CFAP73: variants seen among roughly 807,000 people sequenced by gnomAD.
CFAP73 encodes the protein cilia- and flagella-associated protein 73.
CFAP73 carries 33 observed loss-of-function variants against 42.9 expected under a neutral mutation model. The ratio of observed to expected loss-of-function variants is 0.77; its 90% CI spans 0.58 to 1.03. The LOEUF is 1.03. CFAP73 is among the 50% of genes least tolerant of loss of function. The probability of loss-of-function intolerance (pLI) is 0.00; values close to 1 mark genes in which losing one functional copy is unlikely to be tolerated. For missense variants in CFAP73, 392 were observed against 411.9 expected, an observed-to-expected ratio of 0.95 and a Z score of 0.42; for synonymous variants, 162 against 186.8, an observed-to-expected ratio of 0.87 and a Z score of 1.08.
At position 113,154,659 on chromosome 12, in the gene CFAP73, G is replaced by T. The variant is rs536788003; in HGVS notation, c.690+24G>T. On this transcript the variant is annotated intron_variant, in intron 5 of 7. Transcript: ENST00000335621. The surrounding 1 kb of genome is among the most constrained non-coding windows in gnomAD (Gnocchi z 4.7). Reference sequence around the variant, plus strand: ...GGGTACGACCCGCCCTAGGTGGGGGGCGCTCCGGACCCCAGGCTTCCACAG... The same window carrying T: ...GGGTACGACCCGCCCTAGGTGGGGGTCGCTCCGGACCCCAGGCTTCCACAG... 4 of 1,383,936 alleles carry T rather than the reference G, an allele frequency of 2.9e-6. No individual in the cohort carries two copies. Among genetic ancestry groups the T allele is most frequent in the Non-Finnish European group, 3.7e-6 (4 of 1,078,256 alleles). 85.7% of individuals were successfully genotyped at this position (1,383,936 alleles called of 1,614,324 possible). A position where few individuals can be genotyped will look rare whatever the true frequency, so the allele number is the denominator to read the frequency against.
chr12:113,156,466 A>G (rs535009392), intron 6 of CFAP73, among the ~76,000 whole-genome samples: 2 of 151,204 alleles, frequency 1.3e-5, no homozygotes, highest in Non-Finnish European at 2.9e-5. Flanking sequence ...TTCCTTCTTT[A>G]ATCCGGTGTC....
At chr12:113,151,726 G>T (rs1326713079) in intron 1 of CFAP73, among the ~76,000 whole-genome samples, 192 bp from the exon 2 acceptor site, 1 of 151,348 alleles carries the variant, frequency 6.6e-6, no homozygotes, top group Non-Finnish European at 1.5e-5. Context: ...AAGCCCAGGA[G>T]TGAGCTATGA....
chr12:113,151,023 A>ATTAT (rs140164918), intron 1 of CFAP73, among the ~76,000 whole-genome samples: 7,902 of 151,472 alleles, frequency 0.052, 282 homozygotes, highest in Non-Finnish European at 0.069. Flanking sequence ...GGCATTCTTT[A>ATTAT]TTATTATTAT....
At chr12:113,155,175 GA>G (rs199729083) in intron 5 of CFAP73, 84 bp from the exon 6 acceptor site, 112,224 of 1,034,822 alleles carry the variant, frequency 0.11, 545 homozygotes, top group Non-Finnish European at 0.12. Flanking sequence ...ATCTCAAAAA[GA>G]AAAAAAAAAA....
chr12:113,151,736 A>G (rs1952063148), intron 1 of CFAP73, among the ~76,000 whole-genome samples, 182 bp from the exon 2 acceptor site: 1 of 151,408 alleles, frequency 6.6e-6, no homozygotes, highest in Non-Finnish European at 1.5e-5. Flanking sequence ...GTGAGCTATG[A>G]TGATTAGACC....
rs373830521 is a variant in CFAP73, at chr12:113,154,470, G to T, written c.525G>T (p.Ala175=). 1.1e-3 allele frequency: 1,625 copies of T among 1,545,480 alleles called. 12 individuals are homozygous for T. In the African/African-American group the frequency reaches 0.018, roughly 18 times the overall value. ...ARFDGLAETQ[A]ALRLREREQL... Reference sequence around the variant, plus strand: ...TCGACGGCCTGGCCGAGACGCAGGCGGCGCTGAGGCTCAGGGAGCGCGAGC... The same window carrying T: ...TCGACGGCCTGGCCGAGACGCAGGCTGCGCTGAGGCTCAGGGAGCGCGAGC... Residue 175 remains alanine, a synonymous_variant, in exon 5 of 8, where the codon GCG becomes GCT. Coordinates refer to ENST00000335621, the MANE Select transcript of CFAP73 (RefSeq NM_001144872.3). The surrounding 1 kb of genome is among the most constrained non-coding windows in gnomAD (Gnocchi z 4.7).
In CFAP73 at chr12:113,153,251, A is replaced by G; in HGVS notation, c.311A>G (p.Glu104Gly). 1 of 1,520,750 alleles carries G rather than the reference A, an allele frequency of 6.6e-7. No individual in the cohort carries two copies. 94.2% of individuals were successfully genotyped at this position (1,520,750 alleles called of 1,614,324 possible). Residue 104 changes from glutamate (E) to glycine (G), a missense_variant, in exon 4 of 8, where the codon GAG becomes GGG. By Grantham distance (98) the Glu-to-Gly change is moderately conservative. Transcript: ENST00000335621. Reference protein sequence around the residue: ...RRNRALRRAAEERHQAGRREV... With the variant: ...RRNRALRRAAGERHQAGRREV... ...AATCGCGCGCTGCGGAGGGCGGCGG[A>G]GGAGAGGCACCAGGCGGGCCGTCGG...
intron 6 of CFAP73, among the ~76,000 whole-genome samples, chr12:113,156,219 G>A (rs1005680968): frequency 4.6e-5 from 7 of 151,892 alleles, no homozygotes; most frequent in African/African-American, 9.7e-5. Flanking sequence ...CACACCCAGC[G>A]TGACATAGGT....
Position 113,154,816 on chromosome 12 carries a change from C to T in CFAP73, c.690+181C>T, listed in dbSNP as rs1338818529. 6.6e-6 allele frequency among the ~76,000 whole-genome samples: 1 copy of T among 152,242 alleles called. No homozygotes were observed. Among genetic ancestry groups the T allele is most frequent in the Non-Finnish European group, 1.5e-5 (1 of 68,044 alleles). ...CGGGCATGAGGCCCCGCCCCATCCGCCTGCACAAGGCTCCTGCACCCCACT... is the reference window on the plus strand; with the variant it reads ...CGGGCATGAGGCCCCGCCCCATCCGTCTGCACAAGGCTCCTGCACCCCACT... On this transcript the variant is annotated intron_variant, in intron 5 of 7. Coordinates refer to ENST00000335621, the MANE Select transcript of CFAP73 (RefSeq NM_001144872.3). This position sits in a 1 kb window ranked among gnomAD's most constrained non-coding sequence, Gnocchi z 4.7.
At chr12:113,150,740 T>C (rs1220656741) in intron 1 of CFAP73, among the ~76,000 whole-genome samples, 1 of 152,092 alleles carries the variant, frequency 6.6e-6, no homozygotes, top group Non-Finnish European at 1.5e-5. Flanking sequence ...CCGCTCCCAC[T>C]TCACTTAGAG....
At chr12:113,153,091 C>A in intron 3 of CFAP73, 117 bp from the exon 4 acceptor site, 1 of 1,179,928 alleles carries the variant, frequency 8.5e-7, no homozygotes, top group Admixed American at 3.0e-5. Flanking sequence ...AGCTTCCGAG[C>A]CAGGCCTGCT....
chr12:113,153,861 A>G (rs985038148), intron 4 of CFAP73, among the ~76,000 whole-genome samples: 1 of 151,938 alleles, frequency 6.6e-6, no homozygotes, highest in Non-Finnish European at 1.5e-5. Flanking sequence ...TCCGCTCCCA[A>G]AGTGCTGGGA....
chr12:113,149,797 T>A lies in CFAP73; in HGVS notation c.-61T>A. 1 of 1,514,136 alleles carries A rather than the reference T, an allele frequency of 6.6e-7. No homozygotes were observed. Among genetic ancestry groups the A allele is most frequent in the African/African-American group, 1.4e-5 (1 of 72,386 alleles). The allele number at this position is 1,514,136 out of a possible 1,614,324, so 93.8% of individuals were successfully genotyped here. A position where few individuals can be genotyped will look rare whatever the true frequency, so the allele number is the denominator to read the frequency against. ...ACCACGCTCCACAGAACCCCCAGGGTCTCCTAAGCTTGTGCAAAACTCCAG... is the reference window on the plus strand; with the variant it reads ...ACCACGCTCCACAGAACCCCCAGGGACTCCTAAGCTTGTGCAAAACTCCAG... On this transcript the variant is annotated 5_prime_UTR_variant, in exon 1 of 8. Coordinates refer to ENST00000335621, the MANE Select transcript of CFAP73 (RefSeq NM_001144872.3).
At chr12:113,155,490 A>G in intron 6 of CFAP73, 72 bp downstream of exon 6, 1 of 1,404,974 alleles carries the variant, frequency 7.1e-7, no homozygotes, top group Non-Finnish European at 9.6e-7. Flanking sequence ...CTAAAACCCC[A>G]CAGTTAGTGA....
intron 6 of CFAP73, among the ~76,000 whole-genome samples, chr12:113,156,316 G>A (rs1360837656): frequency 6.6e-6 from 1 of 151,958 alleles, no homozygotes; most frequent in African/African-American, 2.4e-5. Context: ...AGAACTGGAG[G>A]AAAAGTAAAG....
rs763023498 is a variant in CFAP73 at position 113,157,641 on chromosome 12, G to A, written c.889G>A (p.Gly297Ser). The part of the protein sequence containing the change: ...FMQDLSAMLA[G>S]LGQAEPAAPA... The stretch of plus-strand genomic sequence containing the variant: ...GCAGGACCTCTCTGCCATGCTGGCC[G>A]GCCTGGGTCAGGCTGAGCCTGCAGC... Residue 297 changes from glycine to serine, a missense_variant, in exon 7 of 8, where the codon GGC (glycine) becomes AGC (serine). Transcript: ENST00000335621. 275 of 1,551,514 alleles carry A rather than the reference G, an allele frequency of 1.8e-4. No individual in the cohort carries two copies. The highest frequency in any genetic ancestry group is 2.0e-4 in the Non-Finnish European group (225 of 1,147,006).
intron 3 of CFAP73, 41 bp from the exon 4 acceptor site, chr12:113,153,167 C>T: frequency 2.1e-6 from 3 of 1,440,386 alleles, no homozygotes; most frequent in Non-Finnish European, 2.7e-6. Context: ...CCGCCAGCTC[C>T]TGAGTCCTGA....
chr12:113,151,854 T>G (rs1009330739), intron 1 of CFAP73, 64 bp from the exon 2 acceptor site: 1 of 1,133,164 alleles, frequency 8.8e-7, no homozygotes, highest in Non-Finnish European at 1.3e-6. Context: ...CCAGACACAG[T>G]GGTGAGATGT....
At chr12:113,149,952 G>C in intron 1 of CFAP73, 39 bp downstream of exon 1, 1 of 1,541,182 alleles carries the variant, frequency 6.5e-7, no homozygotes, top group East Asian at 2.4e-5. Context: ...TAGAAGGAGG[G>C]CGGGAATGCG....
Sources: gnomAD v4.1 joint callset for allele counts (sites outside exome capture counted in the v4.1 genomes callset) on GRCh38, gnomAD v4.1.1 for gene constraint, Gnocchi (gnomAD v3.1) non-coding constraint, MANE v1.5 for transcripts, NCBI Gene and HGNC (gene_info 2026-07-23, HGNC 2026-07-21) for gene names.